Variants in RNF6 observed in about 807,000 individuals in gnomAD.
RNF6 encodes E3 ubiquitin-protein ligase RNF6.
In RNF6, 21 loss-of-function variants were observed where a neutral mutation model predicts 50.1. The ratio of observed to expected loss-of-function variants is 0.42; its 90% CI spans 0.30 to 0.60. RNF6 has a LOEUF of 0.60. RNF6 is among the 20% of genes least tolerant of loss of function. The pLI is 0.20. For missense variants in RNF6, 698 were observed against 838.2 expected, an observed-to-expected ratio of 0.83 and a Z score of 2.07; for synonymous variants, 255 against 291.8, an observed-to-expected ratio of 0.87 and a Z score of 1.29.
intron 5 of RNF6, among the ~76,000 whole-genome samples, chr13:26,206,493 C>G (rs539456334): frequency 6.6e-6 from 1 of 152,136 alleles, no homozygotes; most frequent in African/African-American, 2.4e-5. Context: ...ACTTTCAGGA[C>G]CATTGGATTT....
At position 26,145,592 on chromosome 13, in the gene RNF6, C is replaced by T. The variant is rs9581558; in HGVS notation, n.769-13141G>A. ...GTAAGATGTGTTGGCTTCCCCTTCA[C>T]CTTCCACCATGATTGTAAGTTTCCT... is the stretch of plus-strand genomic sequence containing the variant. On this transcript the variant is annotated intron_variant and non_coding_transcript_variant, in intron 5 of 5. Transcript: ENST00000468480. 3.7e-3 allele frequency among the ~76,000 whole-genome samples: 566 copies of T among 152,288 alleles called. 7 individuals are homozygous for T. Among genetic ancestry groups the T allele is most frequent in the South Asian group, 0.028 (135 of 4,826 alleles).
At chr13:26,165,906 A>C (rs1342617381) in intron 5 of RNF6, among the ~76,000 whole-genome samples, 1 of 152,214 alleles carries the variant, frequency 6.6e-6, no homozygotes, top group Non-Finnish European at 1.5e-5. Context: ...GTTAATGCTG[A>C]AATAAGCTAA....
intron 5 of RNF6, among the ~76,000 whole-genome samples, chr13:26,137,656 A>T (rs987356865): frequency 8.3e-5 from 12 of 144,370 alleles, no homozygotes; most frequent in African/African-American, 2.4e-4. Context: ...GAAATTATAA[A>T]AAAAAAAAAA....
intron 5 of RNF6, among the ~76,000 whole-genome samples, chr13:26,153,191 A>ATATTT (rs71080234): frequency 0.074 from 11,062 of 149,736 alleles, 1,106 homozygotes; most frequent in African/African-American, 0.23. Flanking sequence ...AAGATGTAAG[A>ATATTT]TATTTTATTT....
chr13:26,208,528 CTAA>C (rs574472047), downstream of RNF6, among the ~76,000 whole-genome samples: 40 of 152,310 alleles, frequency 2.6e-4, no homozygotes, highest in African/African-American at 9.4e-4. Context: ...GCTGACTGTG[CTAA>C]TATCTTTTCC....
intron 5 of RNF6, among the ~76,000 whole-genome samples, chr13:26,202,488 C>T (rs1245692580): frequency 6.6e-6 from 1 of 152,182 alleles, no homozygotes; most frequent in Non-Finnish European, 1.5e-5. Flanking sequence ...AGTTTTGTGG[C>T]TATGCCAGGT....
chr13:26,132,573 C>T (rs1870446158), intron 5 of RNF6: 1 of 317,370 alleles, frequency 3.2e-6, no homozygotes, highest in Non-Finnish European at 6.3e-6. Flanking sequence ...ATTGCACTCA[C>T]TAGATAATAA....
chr13:26,147,082 T>C (rs1186722085), intron 5 of RNF6, among the ~76,000 whole-genome samples: 2 of 152,204 alleles, frequency 1.3e-5, no homozygotes, highest in Non-Finnish European at 2.9e-5. Context: ...AATGGACTAA[T>C]ACAGGGCCCA....
intron 5 of RNF6, among the ~76,000 whole-genome samples, chr13:26,138,077 G>A (rs937255109): frequency 2.6e-5 from 4 of 152,050 alleles, no homozygotes; most frequent in Admixed American, 6.6e-5. Flanking sequence ...CTACTGAAAG[G>A]CAAAGCCAAG....
At chr13:26,136,378 C>T (rs1459398204) in intron 5 of RNF6, among the ~76,000 whole-genome samples, 1 of 152,156 alleles carries the variant, frequency 6.6e-6, no homozygotes, top group Non-Finnish European at 1.5e-5. Flanking sequence ...AGCTCTATGG[C>T]CTTTAGAATG....
chr13:26,144,263 G>A (rs1406388749), intron 5 of RNF6, among the ~76,000 whole-genome samples: 2 of 151,994 alleles, frequency 1.3e-5, no homozygotes, highest in Non-Finnish European at 2.9e-5. Flanking sequence ...CAATAAGGGT[G>A]GCTGGGAAAA....
chr13:26,206,046 T>C (rs1012446414), intron 5 of RNF6, among the ~76,000 whole-genome samples: 12 of 152,124 alleles, frequency 7.9e-5, no homozygotes, highest in Non-Finnish European at 1.8e-4. Context: ...CAGTTCAGCA[T>C]TGAGCTTAAT....
chr13:26,151,711 G>T (rs1182764080), intron 5 of RNF6, among the ~76,000 whole-genome samples: 12 of 149,340 alleles, frequency 8.0e-5, no homozygotes, highest in Non-Finnish European at 1.2e-4. Flanking sequence ...AGTGCTCTAG[G>T]GCTACCTACT....
At chr13:26,152,365 G>A (rs1871659305) in intron 5 of RNF6, among the ~76,000 whole-genome samples, 1 of 152,134 alleles carries the variant, frequency 6.6e-6, no homozygotes, top group Admixed American at 6.5e-5. Context: ...GGTCTTCCTT[G>A]GTCCATCGGA....
intron 1 of RNF6, 150 bp from the exon 2 acceptor site, chr13:26,221,480 A>G (rs573395849): frequency 1.3e-5 from 2 of 152,206 alleles, no homozygotes; most frequent in Admixed American, 6.5e-5. Flanking sequence ...TCCCCATACA[A>G]TTAGGTCACG....
chr13:26,148,453 T>A (rs558390350), intron 5 of RNF6, among the ~76,000 whole-genome samples: 22 of 151,482 alleles, frequency 1.5e-4, no homozygotes, highest in Non-Finnish European at 8.8e-5. Context: ...TCTTTCCTAC[T>A]GGGAAGAAAG....
intron 5 of RNF6, among the ~76,000 whole-genome samples, chr13:26,147,443 C>G (rs1177108300): frequency 1.3e-5 from 2 of 152,136 alleles, no homozygotes; most frequent in African/African-American, 2.4e-5. Context: ...AGGCAGATAC[C>G]ACTGTGTGTG....
At chr13:26,135,846 A>C (rs149725338) in intron 5 of RNF6, among the ~76,000 whole-genome samples, 1 of 152,084 alleles carries the variant, frequency 6.6e-6, no homozygotes, top group African/African-American at 2.4e-5. Context: ...ATTTCGTTGC[A>C]AGATCTGGTT....
intron 5 of RNF6, among the ~76,000 whole-genome samples, chr13:26,204,725 T>G (rs1869039541): frequency 6.6e-6 from 1 of 152,160 alleles, no homozygotes; most frequent in Admixed American, 6.5e-5. Flanking sequence ...TGTTCCTAGT[T>G]TATTTCCATG....
Sources: gnomAD v4.1 joint callset for allele counts (sites outside exome capture counted in the v4.1 genomes callset) on GRCh38, gnomAD v4.1.1 for gene constraint, MANE v1.5 for transcripts, NCBI Gene and HGNC (gene_info 2026-07-23, HGNC 2026-07-21) for gene names.